Variants in KCNU1 observed in about 807,000 individuals in gnomAD.
The protein encoded by KCNU1 is potassium calcium-activated channel subfamily U member 1.
KCNU1 carries 93 observed loss-of-function variants against 126.8 expected under a neutral mutation model. The observed-to-expected ratio is 0.73, with a 90% CI of 0.62 to 0.87. The LOEUF is 0.87. Ranked by LOEUF, KCNU1 falls within the 40% of genes least tolerant of loss-of-function variation. The pLI is 0.00. For missense variants in KCNU1, 1,330 were observed against 1,367.1 expected, an observed-to-expected ratio of 0.97 and a Z score of 0.43; for synonymous variants, 523 against 494.2, an observed-to-expected ratio of 1.06 and a Z score of -0.77.
At position 36,805,266 on chromosome 8, in the gene KCNU1, G is replaced by A. The variant is rs754509629; in HGVS notation, c.449G>A (p.Ser150Asn). Residue 150 changes from serine (S) to asparagine (N), a missense_variant, in exon 4 of 27, where the codon AGT (serine) becomes AAT (asparagine). Ser to Asn is a conservative substitution (Grantham distance 46). Around this residue, in one of 3 missense-constraint regions of KCNU1, gnomAD observed 247 missense variants for 255.4 expected, o/e 0.97. Transcript: ENST00000399881. ...GATTTGGTTTTCAATGCTTTCTTTA[G>A]TTTCTATTTTGGATTGAGGGTAAGT... is the stretch of plus-strand genomic sequence containing the variant. ...PIDLVFNAFF[S>N]FYFGLRFMAA... 3 of 1,600,436 alleles carry A rather than the reference G, an allele frequency of 1.9e-6. No homozygotes were observed. Among genetic ancestry groups the A allele is most frequent in the Admixed American group, 1.7e-5 (1 of 58,592 alleles).
chr8:36,850,705 C>T (rs1333576347), intron 18 of KCNU1, among the ~76,000 whole-genome samples: 1 of 152,198 alleles, frequency 6.6e-6, no homozygotes, highest in Non-Finnish European at 1.5e-5. Context: ...GAGCCACCTG[C>T]CTCAATCTCC....
chr8:36,797,213 T>G (rs937925404), intron 2 of KCNU1, among the ~76,000 whole-genome samples: 5 of 152,162 alleles, frequency 3.3e-5, no homozygotes, highest in Non-Finnish European at 7.4e-5. Flanking sequence ...ATAACACCCA[T>G]TAGAGTGTTG....
intron 16 of KCNU1, among the ~76,000 whole-genome samples, chr8:36,844,079 TA>T (rs745673335): frequency 5.9e-5 from 9 of 152,072 alleles, no homozygotes; most frequent in Non-Finnish European, 1.2e-4. Context: ...TTTCTCCTTT[TA>T]AAAAAATGAA....
rs769683576 is a variant in KCNU1, at chr8:36,784,497, C to G, written c.87C>G (p.Leu29=). 8 of 1,613,882 alleles carry G rather than the reference C, an allele frequency of 5.0e-6. No individual in the cohort carries two copies. Among genetic ancestry groups the G allele is most frequent in the Non-Finnish European group, 6.8e-6 (8 of 1,179,768 alleles). Residue 29 remains leucine (L), a synonymous_variant, in exon 1 of 27, where the codon CTC becomes CTG. Transcript: ENST00000399881. ...CTGAGATCCAAGCAGCATTCATTCT[C>G]TCTTCCTTTGTGACCTTCTTCAGTG... ...CTTEIQAAFI[L]SSFVTFFSGL...
rs1432467433 is a variant in KCNU1 at position 36,834,854 on chromosome 8, T to C, written c.1281T>C (p.Ile427=). Residue 427 remains isoleucine (I), a synonymous_variant, in exon 12 of 27, where the codon ATT becomes ATC. Coordinates refer to ENST00000399881, the MANE Select transcript of KCNU1 (RefSeq NM_001031836.3). ...PLCSDSHAED[I]SNIMRVLSIK... is the part of the protein sequence containing the mutation. Reference sequence around the variant, plus strand: ...GCAGTGATTCCCATGCTGAAGATATTTCCAACATTATGAGGTAAGAAGCTG... The same window carrying C: ...GCAGTGATTCCCATGCTGAAGATATCTCCAACATTATGAGGTAAGAAGCTG... 6.2e-7 allele frequency: 1 copy of C among 1,609,416 alleles called. No individual in the cohort carries two copies. Among genetic ancestry groups the C allele is most frequent in the African/African-American group, 1.3e-5 (1 of 74,846 alleles).
At chr8:36,897,855 C>T (rs1807258831) in intron 19 of KCNU1, among the ~76,000 whole-genome samples, 1 of 152,078 alleles carries the variant, frequency 6.6e-6, no homozygotes, top group African/African-American at 2.4e-5. Context: ...GGCATGCCTC[C>T]TTTTAAAAAT....
intron 2 of KCNU1, among the ~76,000 whole-genome samples, chr8:36,801,925 A>G (rs1437753920): frequency 6.6e-6 from 1 of 151,944 alleles, no homozygotes; most frequent in Non-Finnish European, 1.5e-5. Context: ...GCTGTCCAAC[A>G]TTGTGAAATC....
At chr8:36,919,034 G>A (rs1421205088) in intron 23 of KCNU1, 137 bp downstream of exon 23, 11 of 640,772 alleles carry the variant, frequency 1.7e-5, no homozygotes, top group East Asian at 2.7e-5. Flanking sequence ...GTGCTTGCCC[G>A]GATGTTACAC....
intron 24 of KCNU1, among the ~76,000 whole-genome samples, chr8:36,924,777 A>C (rs1028601822): frequency 4.6e-5 from 7 of 152,172 alleles, no homozygotes; most frequent in Admixed American, 6.5e-5. Context: ...GTCTGCAGAT[A>C]CATTTCAGAT....
chr8:36,915,840 T>C (rs1808078061), intron 22 of KCNU1, among the ~76,000 whole-genome samples: 1 of 152,168 alleles, frequency 6.6e-6, no homozygotes, highest in Non-Finnish European at 1.5e-5. Flanking sequence ...TCTGAAAATA[T>C]TTTGTATTTG....
chr8:36,826,601 G>A (rs954678380), intron 10 of KCNU1, among the ~76,000 whole-genome samples: 2 of 152,082 alleles, frequency 1.3e-5, no homozygotes, highest in Non-Finnish European at 1.5e-5. Flanking sequence ...TTTTGACCTA[G>A]ATTCCAGAAC....
chr8:36,797,655 T>C (rs1396622934), intron 2 of KCNU1, among the ~76,000 whole-genome samples: 1 of 151,864 alleles, frequency 6.6e-6, no homozygotes, highest in African/African-American at 2.4e-5. Context: ...TTTAAAGAAG[T>C]GCCCATATTC....
chr8:36,792,082 A>G (rs1306545215), intron 2 of KCNU1, among the ~76,000 whole-genome samples: 1 of 152,096 alleles, frequency 6.6e-6, no homozygotes, highest in Non-Finnish European at 1.5e-5. Flanking sequence ...TACACTGATC[A>G]TTTACGGATA....
At chr8:36,915,871 G>A (rs1047984240) in intron 22 of KCNU1, among the ~76,000 whole-genome samples, 2 of 151,948 alleles carry the variant, frequency 1.3e-5, no homozygotes, top group African/African-American at 4.8e-5. Flanking sequence ...TATGTAACTG[G>A]GGCGAGGACT....
chr8:36,823,826 T>C (rs889026694), intron 10 of KCNU1, among the ~76,000 whole-genome samples: 1 of 149,500 alleles, frequency 6.7e-6, no homozygotes, highest in African/African-American at 2.5e-5. Flanking sequence ...ATTAATCTCC[T>C]TGTTCAAACC....
chr8:36,787,733 C>A (rs1585371061), intron 2 of KCNU1, among the ~76,000 whole-genome samples: 1 of 147,306 alleles, frequency 6.8e-6, no homozygotes, highest in East Asian at 2.0e-4. Context: ...ATGTATAATA[C>A]ATTATCCGTA....
At chr8:36,865,983 C>T (rs936211411) in intron 19 of KCNU1, among the ~76,000 whole-genome samples, 1 of 151,920 alleles carries the variant, frequency 6.6e-6, no homozygotes, top group Non-Finnish European at 1.5e-5. Flanking sequence ...AATAGCCAAA[C>T]TCATAGGAAC....
rs373930727 is a variant in KCNU1, at chr8:36,784,476, G to A, written c.66G>A (p.Glu22=). The stretch of plus-strand genomic sequence containing the variant: ...TGCCAAAAATGTCCTGCACAACTGA[G>A]ATCCAAGCAGCATTCATTCTCTCTT... ...EDLPKMSCTT[E]IQAAFILSSF... is the part of the protein sequence containing the mutation. The change falls in exon 1 of 27, where the codon GAG becomes GAA. Residue 22 remains glutamate, a synonymous_variant. Coordinates refer to ENST00000399881, the MANE Select transcript of KCNU1 (RefSeq NM_001031836.3). The A allele has an allele frequency of 1.2e-5, 20 of 1,613,918 alleles. No individual in the cohort carries two copies. Among genetic ancestry groups the A allele is most frequent in the Non-Finnish European group, 1.6e-5 (19 of 1,179,836 alleles).
intron 14 of KCNU1, among the ~76,000 whole-genome samples, chr8:36,840,197 G>T (rs1176517977): frequency 6.6e-6 from 1 of 152,182 alleles, no homozygotes; most frequent in Non-Finnish European, 1.5e-5. Flanking sequence ...AATTCTCACT[G>T]CCAGCAAGGA....
Sources: allele counts gnomAD v4.1 joint callset (sites outside exome capture counted in the v4.1 genomes callset), GRCh38; gene constraint gnomAD v4.1.1; regional missense constraint gnomAD v4.1.1; transcripts MANE v1.5; gene names NCBI Gene and HGNC (gene_info 2026-07-23, HGNC 2026-07-21).